NR5A1: variants seen among roughly 807,000 people sequenced by gnomAD.
NR5A1 encodes the protein nuclear receptor subfamily 5 group A member 1.
Under a neutral mutation model 42.7 loss-of-function variants are expected in NR5A1, and 6 were observed. That is an observed-to-expected ratio of 0.14 (90% CI 0.08 to 0.28). NR5A1 has a LOEUF of 0.28. Ranked by LOEUF, NR5A1 falls within the 10% of genes least tolerant of loss-of-function variation. The pLI, the probability that NR5A1 is intolerant of heterozygous loss-of-function variation, is 1.00. For missense variants in NR5A1, 442 were observed against 626.4 expected (o/e 0.71, Z 3.14); for synonymous variants, 274 against 277.5 (o/e 0.99, Z 0.12).
At chr9:124,491,462 T>C (rs1216362505) in intron 5 of NR5A1, among the ~76,000 whole-genome samples, 2 of 152,130 alleles carry the variant, frequency 1.3e-5, no homozygotes, top group Non-Finnish European at 2.9e-5. Flanking sequence ...AGCCCGGAGC[T>C]GAGGCACCCA....
chr9:124,506,706 T>C (rs565880109), intron 1 of NR5A1, among the ~76,000 whole-genome samples: 1 of 152,094 alleles, frequency 6.6e-6, no homozygotes, highest in Admixed American at 6.5e-5. Flanking sequence ...CACTCCAGGC[T>C]CCGAGGCACC....
rs542997126 is a variant in NR5A1 at position 124,501,156 on chromosome 9, G to A, written c.245-441C>T. The stretch of plus-strand genomic sequence containing the variant: ...TTGCCCACTCTTATCATGCTGAGTG[G>A]ATCATGCCATGTGCTCCTGCGGGCT... On this transcript the variant is annotated intron_variant, in intron 3 of 6. Transcript: ENST00000373588. The surrounding 1 kb of genome is among the most constrained non-coding windows in gnomAD (Gnocchi z 4.1). Among the ~76,000 whole-genome samples the A allele has an allele frequency of 6.6e-6, 1 of 152,248 alleles. No homozygotes were observed. Among genetic ancestry groups the A allele is most frequent in the East Asian group, 1.9e-4 (1 of 5,174 alleles).
At chr9:124,485,067 T>G (rs1482049084) in intron 6 of NR5A1, among the ~76,000 whole-genome samples, 1 of 152,002 alleles carries the variant, frequency 6.6e-6, no homozygotes, top group East Asian at 1.9e-4. Context: ...CCAGCCTTCC[T>G]CCTCCCTGGA....
At chr9:124,505,876 G>T (rs1376228269) in intron 1 of NR5A1, among the ~76,000 whole-genome samples, 1 of 152,226 alleles carries the variant, frequency 6.6e-6, no homozygotes, top group African/African-American at 2.4e-5. Context: ...CATCCGCGGG[G>T]CCACTGTTTT....
chr9:124,506,581 G>A (rs1462292093), intron 1 of NR5A1, among the ~76,000 whole-genome samples: 1 of 152,190 alleles, frequency 6.6e-6, no homozygotes, highest in Non-Finnish European at 1.5e-5. Flanking sequence ...TGGACACACA[G>A]GCCCCAGCCG....
rs1289480534 is a variant in NR5A1, at chr9:124,481,348, GGGGGC to G, written c.*1405_*1409del. On this transcript the variant is annotated 3_prime_UTR_variant, in exon 7 of 7. Coordinates refer to ENST00000373588, the MANE Select transcript of NR5A1 (RefSeq NM_004959.5). Reference sequence around the variant, plus strand: ...GGCCTTGGCAGGGGCACATGTTTCAGGGGGCGGGGAGGGGAGGTACTGAGACAGGG... The same window carrying G: ...GGCCTTGGCAGGGGCACATGTTTCAGGGGGAGGGGAGGTACTGAGACAGGG... 1 of 150,258 alleles carries G rather than the reference GGGGGC, an allele frequency of 6.7e-6. No individual in the cohort carries two copies. Among genetic ancestry groups the G allele is most frequent in the Non-Finnish European group, 1.5e-5 (1 of 68,102 alleles). The allele number at this position is 150,258 out of a possible 1,614,324, so 9.3% of individuals were successfully genotyped here.
At chr9:124,487,577 A>C (rs1294727644) in intron 6 of NR5A1, among the ~76,000 whole-genome samples, 1 of 152,194 alleles carries the variant, frequency 6.6e-6, no homozygotes, top group East Asian at 1.9e-4. Flanking sequence ...TAGACACCAA[A>C]TGGCACCCTT....
At chr9:124,493,962 A>G (rs1190913389) in intron 4 of NR5A1, among the ~76,000 whole-genome samples, 2 of 152,128 alleles carry the variant, frequency 1.3e-5, no homozygotes. Context: ...GGAAAGGGCA[A>G]GAGACTCTCC....
intron 1 of NR5A1, among the ~76,000 whole-genome samples, chr9:124,506,583 C>G (rs2131294071): frequency 6.6e-6 from 1 of 152,314 alleles, no homozygotes. Context: ...GACACACAGG[C>G]CCCAGCCGCC....
Position 124,482,642 on chromosome 9 carries a change from G to T in NR5A1, c.*116C>A. On this transcript the variant is annotated 3_prime_UTR_variant, in exon 7 of 7. Coordinates refer to ENST00000373588, the MANE Select transcript of NR5A1 (RefSeq NM_004959.5). ...GCAGCGGCCTCTGGGACGGGGCTGGGGCTCCTCGGTGGGCATCAGAAAATG... is the reference window on the plus strand; with the variant it reads ...GCAGCGGCCTCTGGGACGGGGCTGGTGCTCCTCGGTGGGCATCAGAAAATG... The T allele has an allele frequency of 1.6e-6, 2 of 1,231,140 alleles. No homozygotes were observed. The highest frequency in any genetic ancestry group is 1.3e-5 in the South Asian group (1 of 75,462). The allele number at this position is 1,231,140 out of a possible 1,614,324, so 76.3% of individuals were successfully genotyped here. A position where few individuals can be genotyped will look rare whatever the true frequency, so the allele number is the denominator to read the frequency against.
intron 1 of NR5A1, among the ~76,000 whole-genome samples, chr9:124,505,230 G>A (rs1345833800): frequency 6.6e-6 from 1 of 152,220 alleles, no homozygotes; most frequent in African/African-American, 2.4e-5. Flanking sequence ...GGGCAGTGGG[G>A]GCCTTGGGTC....
At chr9:124,486,109 C>CG (rs1407313193) in intron 6 of NR5A1, among the ~76,000 whole-genome samples, 1 of 152,002 alleles carries the variant, frequency 6.6e-6, no homozygotes, top group Non-Finnish European at 1.5e-5. Flanking sequence ...AGCGGGGGTG[C>CG]GGGGGTGGGT....
At chr9:124,487,152 G>C (rs1832225648) in intron 6 of NR5A1, among the ~76,000 whole-genome samples, 2 of 152,246 alleles carry the variant, frequency 1.3e-5, no homozygotes, top group African/African-American at 4.8e-5. Flanking sequence ...CAGCCCGCTA[G>C]CTCTGCAGAG....
At position 124,496,560 on chromosome 9, in the gene NR5A1, G is replaced by T. The variant is rs1392763216; in HGVS notation, c.871-3411C>A. ...CCAAGCTGACCTCCCTCCCAGCAGG[G>T]CCCCTCTGGAGCCCCCTGGGGTCCG... On this transcript the variant is annotated intron_variant, in intron 4 of 6. Coordinates refer to ENST00000373588, the MANE Select transcript of NR5A1 (RefSeq NM_004959.5). This position sits in a 1 kb window ranked among gnomAD's most constrained non-coding sequence, Gnocchi z 5.0. Among the ~76,000 whole-genome samples, 1 of 152,148 alleles carries T rather than the reference G, an allele frequency of 6.6e-6. No individual in the cohort carries two copies. Among genetic ancestry groups the T allele is most frequent in the Non-Finnish European group, 1.5e-5 (1 of 68,044 alleles).
Position 124,503,032 on chromosome 9 carries a change from C to T in NR5A1, c.244+47G>A, listed in dbSNP as rs753721835. 3.3e-6 allele frequency: 5 copies of T among 1,537,214 alleles called. No homozygotes were observed. In the East Asian group the frequency reaches 1.2e-4, roughly 37 times the overall value. ...CCCTCTCCCACCCCCACCCCCTACC[C>T]CCTCAGGCTGTGGGGGGTCAGGGGT... On this transcript the variant is annotated intron_variant, in intron 3 of 6. Transcript: ENST00000373588. This position sits in a 1 kb window ranked among gnomAD's most constrained non-coding sequence, Gnocchi z 9.6.
At chr9:124,485,210 T>C (rs1252782031) in intron 6 of NR5A1, among the ~76,000 whole-genome samples, 1 of 152,114 alleles carries the variant, frequency 6.6e-6, no homozygotes, top group Non-Finnish European at 1.5e-5. Context: ...CCACAGAATC[T>C]GTCCCCAGGC....
intron 6 of NR5A1, among the ~76,000 whole-genome samples, chr9:124,485,765 G>T (rs2131271853): frequency 6.6e-6 from 1 of 152,320 alleles, no homozygotes; most frequent in East Asian, 1.9e-4. Flanking sequence ...AGCCTGGGCT[G>T]CCCCAGACAT....
chr9:124,505,906 C>T (rs1298481890), intron 1 of NR5A1, among the ~76,000 whole-genome samples: 1 of 152,208 alleles, frequency 6.6e-6, no homozygotes, highest in Non-Finnish European at 1.5e-5. Context: ...GAAACGGACC[C>T]GAAAGGAAGG....
intron 6 of NR5A1, 87 bp from the exon 7 acceptor site, chr9:124,483,092 C>A: frequency 6.2e-7 from 1 of 1,603,318 alleles, no homozygotes; most frequent in South Asian, 1.1e-5. Flanking sequence ...TCACCAATAC[C>A]ACCTTCCCTA....
Sources: gnomAD v4.1 joint callset for allele counts (sites outside exome capture counted in the v4.1 genomes callset) on GRCh38, gnomAD v4.1.1 for gene constraint, Gnocchi (gnomAD v3.1) non-coding constraint, MANE v1.5 for transcripts, NCBI Gene and HGNC (gene_info 2026-07-23, HGNC 2026-07-21) for gene names.